Variants in PTPRG observed in about 807,000 individuals in gnomAD.
PTPRG encodes protein tyrosine phosphatase receptor type G.
PTPRG carries 102 observed loss-of-function variants against 165.3 expected under a neutral mutation model. The ratio of observed to expected loss-of-function variants is 0.62; its 90% CI spans 0.53 to 0.73. The LOEUF (loss-of-function observed/expected upper bound fraction) is 0.73. PTPRG is among the 30% of genes least tolerant of loss of function. The pLI, the probability that PTPRG is intolerant of heterozygous loss-of-function variation, is 0.00. For missense variants in PTPRG, 1,866 were observed against 1,861.4 expected, an observed-to-expected ratio of 1.00 and a Z score of -0.05; for synonymous variants, 675 against 669.5, an observed-to-expected ratio of 1.01 and a Z score of -0.13.
chr3:62,015,826 G>A (rs145254541), intron 4 of PTPRG, among the ~76,000 whole-genome samples: 4 of 152,100 alleles, frequency 2.6e-5, no homozygotes, highest in East Asian at 1.9e-4. Context: ...GAAGATGCTC[G>A]TGGAGGGGAT....
intron 16 of PTPRG, among the ~76,000 whole-genome samples, chr3:62,256,472 G>C (rs1050204119): frequency 6.6e-6 from 1 of 152,100 alleles, no homozygotes; most frequent in Non-Finnish European, 1.5e-5. Context: ...ATGTTTTATG[G>C]AACCAACAAA....
rs758748337 is a variant in PTPRG at position 62,267,445 on chromosome 3, G to A, written c.2692G>A (p.Gly898Arg). ...TAGGGTGAAGTTAAGACCTTTACCAGGAAAAGACTCTAAGCACAGCGACTA... is the reference window on the plus strand; with the variant it reads ...TAGGGTGAAGTTAAGACCTTTACCAAGAAAAGACTCTAAGCACAGCGACTA... Reference protein sequence around the residue: ...HSRVKLRPLPGKDSKHSDYIN... With the variant: ...HSRVKLRPLPRKDSKHSDYIN... Residue 898 changes from glycine to arginine, a missense_variant, in exon 18 of 30, where the codon GGA (glycine) becomes AGA (arginine). Physicochemically the swap from Gly to Arg is moderately radical, Grantham distance 125. Coordinates refer to ENST00000474889, the MANE Select transcript of PTPRG (RefSeq NM_002841.4). The A allele has an allele frequency of 6.2e-7, 1 of 1,611,944 alleles. No homozygotes were observed. The highest frequency in any genetic ancestry group is 1.1e-5 in the South Asian group (1 of 90,942).
Position 62,197,599 on chromosome 3 carries a change from A to C in PTPRG, c.1327+2429A>C, listed in dbSNP as rs977714526. On this transcript the variant is annotated intron_variant, in intron 10 of 29. Transcript: ENST00000474889. Reference sequence around the variant, plus strand: ...GTGCTGGCCTAGGGGAGAAGGAAGGAAGGCAGACTGGGAGCTTGCTGAGGC... The same window carrying C: ...GTGCTGGCCTAGGGGAGAAGGAAGGCAGGCAGACTGGGAGCTTGCTGAGGC... Among the ~76,000 whole-genome samples the C allele has an allele frequency of 3.3e-5, 5 of 152,092 alleles. 1 individual carries two copies. The highest frequency in any genetic ancestry group is 2.1e-4 in the South Asian group (1 of 4,818).
intron 1 of PTPRG, among the ~76,000 whole-genome samples, chr3:61,663,471 G>C (rs1245538621): frequency 6.6e-6 from 1 of 152,130 alleles, no homozygotes; most frequent in African/African-American, 2.4e-5. Flanking sequence ...GTAAGGCTTG[G>C]AGATAGTGTA....
intron 2 of PTPRG, among the ~76,000 whole-genome samples, chr3:61,948,931 A>G (rs759925631): frequency 6.6e-5 from 10 of 152,132 alleles, no homozygotes; most frequent in Non-Finnish European, 1.0e-4. Context: ...CAGTGGGAAT[A>G]TAGCTGTCAG....
chr3:61,839,112 T>C (rs1559641710), intron 2 of PTPRG, among the ~76,000 whole-genome samples: 4 of 152,170 alleles, frequency 2.6e-5, no homozygotes, highest in Admixed American at 2.0e-4. Flanking sequence ...GCATATATCC[T>C]TTAAGATAAT....
intron 2 of PTPRG, among the ~76,000 whole-genome samples, chr3:61,790,936 T>C (rs1332158426): frequency 6.6e-6 from 1 of 152,156 alleles, no homozygotes; most frequent in Non-Finnish European, 1.5e-5. Context: ...GAGTTTTTGA[T>C]CTGTTGTATG....
intron 1 of PTPRG, among the ~76,000 whole-genome samples, chr3:61,630,043 A>G (rs1042842575): frequency 6.6e-6 from 1 of 152,252 alleles, no homozygotes; most frequent in African/African-American, 2.4e-5. Flanking sequence ...TAATGTGCCC[A>G]AAGACCCTGG....
At chr3:61,641,672 TA>T (rs2106954415) in intron 1 of PTPRG, among the ~76,000 whole-genome samples, 1 of 152,320 alleles carries the variant, frequency 6.6e-6, no homozygotes, top group African/African-American at 2.4e-5. Flanking sequence ...TATAGAAACC[TA>T]ATCCAGGTTT....
chr3:62,081,212 G>A (rs555984265), intron 5 of PTPRG, among the ~76,000 whole-genome samples: 305 of 149,594 alleles, frequency 2.0e-3, no homozygotes, highest in Non-Finnish European at 3.4e-3. Flanking sequence ...AGCCGAGATC[G>A]CGCCATTGCA....
At chr3:62,242,332 AC>A (rs1050462167) in intron 14 of PTPRG, among the ~76,000 whole-genome samples, 4 of 152,184 alleles carry the variant, frequency 2.6e-5, no homozygotes, top group African/African-American at 9.7e-5. Flanking sequence ...AACAAAAAAA[AC>A]ACGCTCATTT....
At chr3:61,982,640 A>G (rs2040666730) in intron 2 of PTPRG, among the ~76,000 whole-genome samples, 1 of 152,128 alleles carries the variant, frequency 6.6e-6, no homozygotes, top group South Asian at 2.1e-4. Flanking sequence ...TGTGGCTCAG[A>G]ACTAAAAGGT....
chr3:62,005,463 C>T (rs896369033), intron 4 of PTPRG, among the ~76,000 whole-genome samples: 4 of 152,072 alleles, frequency 2.6e-5, no homozygotes, highest in South Asian at 4.1e-4. Context: ...TCTGAAGCCT[C>T]TTTGTCTTAG....
chr3:61,731,715 T>G (rs2032509212), intron 1 of PTPRG, among the ~76,000 whole-genome samples: 1 of 152,144 alleles, frequency 6.6e-6, no homozygotes, highest in Non-Finnish European at 1.5e-5. Flanking sequence ...AGATGGAAAT[T>G]TCTTTTTCCC....
chr3:62,238,002 T>C (rs1385627519), intron 14 of PTPRG, among the ~76,000 whole-genome samples: 1 of 152,238 alleles, frequency 6.6e-6, no homozygotes, highest in Non-Finnish European at 1.5e-5. Flanking sequence ...TGGAACTTTC[T>C]ATAGAAATGT....
At position 62,291,925 on chromosome 3, in the gene PTPRG, T is replaced by C. The variant is rs77391443; in HGVS notation, c.4056-496T>C. The stretch of plus-strand genomic sequence containing the variant: ...CTTCAGTGCCAAAATAATTATTTCA[T>C]ATGAAATTAATTTTGGAAATTGTCT... On this transcript the variant is annotated intron_variant, in intron 28 of 29. Transcript: ENST00000474889. 5.2e-3 allele frequency among the ~76,000 whole-genome samples: 793 copies of C among 152,324 alleles called. 8 individuals carry two copies. The highest frequency in any genetic ancestry group is 0.018 in the African/African-American group (758 of 41,578).
chr3:61,797,581 A>ACCCCCCCCCCCC (rs10541580), intron 2 of PTPRG, among the ~76,000 whole-genome samples: 3 of 127,448 alleles, frequency 2.4e-5, no homozygotes, highest in African/African-American at 6.0e-5. Flanking sequence ...TTATCTCCAC[A>ACCCCCCCCCCCC]CCCCCCCCCA....
At chr3:61,951,026 GA>G (rs781529137) in intron 2 of PTPRG, among the ~76,000 whole-genome samples, 2 of 152,192 alleles carry the variant, frequency 1.3e-5, no homozygotes, top group Non-Finnish European at 2.9e-5. Context: ...CAGGAACATG[GA>G]ACTGGTTAAA....
chr3:61,726,539 A>G (rs2032264302), intron 1 of PTPRG, among the ~76,000 whole-genome samples: 1 of 152,206 alleles, frequency 6.6e-6, no homozygotes, highest in Non-Finnish European at 1.5e-5. Context: ...CCTACCTAGG[A>G]CATATAAGAT....
Sources: gnomAD v4.1 joint callset for allele counts (sites outside exome capture counted in the v4.1 genomes callset) on GRCh38, gnomAD v4.1.1 for gene constraint, MANE v1.5 for transcripts, NCBI Gene and HGNC (gene_info 2026-07-23, HGNC 2026-07-21) for gene names.